The following VTI1A variants were observed in gnomAD, a reference collection of about 807,000 sequenced individuals.
The protein encoded by VTI1A is vesicle transport through interaction with t-SNAREs homolog 1A.
VTI1A carries 22 observed loss-of-function variants against 34.9 expected under a neutral mutation model. That is an observed-to-expected ratio of 0.63 (90% CI 0.45 to 0.90). The LOEUF is 0.90. Among genes scored for constraint, VTI1A ranks in the 40% least tolerant of loss-of-function variants. VTI1A has a pLI of 0.00. For missense variants in VTI1A, 268 were observed against 275.6 expected (o/e 0.97, Z 0.20); for synonymous variants, 87 against 97.3 (o/e 0.89, Z 0.62).
chr10:112,756,150 G>GTTT (rs1223742261), intron 7 of VTI1A, among the ~76,000 whole-genome samples: 2 of 152,176 alleles, frequency 1.3e-5, no homozygotes, highest in African/African-American at 4.8e-5. Flanking sequence ...GTGGAGAAAG[G>GTTT]GGTAAAAGTT....
downstream of VTI1A, among the ~76,000 whole-genome samples, chr10:112,821,316 A>G (rs1265640301): frequency 1.3e-5 from 2 of 151,680 alleles, no homozygotes; most frequent in African/African-American, 4.8e-5. Flanking sequence ...CGCTCAGCAC[A>G]GCCTCCTCTC....
At chr10:112,756,756 T>G (rs560011079) in intron 7 of VTI1A, among the ~76,000 whole-genome samples, 23 of 152,170 alleles carry the variant, frequency 1.5e-4, no homozygotes, top group Admixed American at 9.8e-4. Context: ...TTCTTTAAGA[T>G]GTATCATTTG....
the VTI1A span, among the ~76,000 whole-genome samples, chr10:112,849,738 C>T: frequency 1.7e-4 from 26 of 152,168 alleles, no homozygotes; most frequent in Admixed American, 1.3e-4. Flanking sequence ...GGTTGTGATC[C>T]GCAACTTTTC....
intron 5 of VTI1A, 48 bp from the exon 6 acceptor site, chr10:112,668,170 A>G: frequency 1.3e-6 from 2 of 1,512,532 alleles, no homozygotes; most frequent in African/African-American, 1.4e-5. Context: ...ATTTACTCTC[A>G]TATGCACTCC....
chr10:112,674,183 AT>A (rs1459874980), intron 7 of VTI1A, among the ~76,000 whole-genome samples: 2 of 151,948 alleles, frequency 1.3e-5, no homozygotes, highest in Non-Finnish European at 2.9e-5. Flanking sequence ...TTCTCAGCAC[AT>A]TTTACTTACT....
intron 5 of VTI1A, among the ~76,000 whole-genome samples, chr10:112,638,017 A>C (rs1272245674): frequency 6.6e-6 from 1 of 152,250 alleles, no homozygotes; most frequent in Non-Finnish European, 1.5e-5. Context: ...TGTGAATGAA[A>C]GATGGGATTT....
chr10:112,518,731 A>ATACC (rs1849902008), intron 3 of VTI1A, among the ~76,000 whole-genome samples: 1 of 151,384 alleles, frequency 6.6e-6, no homozygotes, highest in Admixed American at 6.6e-5. Context: ...AAGTGTTGAT[A>ATACC]TACCTACCAT....
At chr10:112,680,772 G>C (rs1307345223) in intron 7 of VTI1A, among the ~76,000 whole-genome samples, 2 of 152,198 alleles carry the variant, frequency 1.3e-5, no homozygotes, top group Non-Finnish European at 2.9e-5. Flanking sequence ...AGACTTCACA[G>C]AGGAGATGAT....
intron 7 of VTI1A, among the ~76,000 whole-genome samples, chr10:112,747,048 G>C (rs1017527102): frequency 6.6e-6 from 1 of 152,186 alleles, no homozygotes; most frequent in Non-Finnish European, 1.5e-5. Context: ...CCAACAAGTG[G>C]TGGAGACCAG....
intron 3 of VTI1A, among the ~76,000 whole-genome samples, chr10:112,500,827 G>A (rs1163486042): frequency 6.6e-6 from 1 of 152,072 alleles, no homozygotes; most frequent in African/African-American, 2.4e-5. Context: ...GTTTAGAGTT[G>A]TGCCTCACAT....
the VTI1A span, among the ~76,000 whole-genome samples, chr10:112,839,914 A>G: frequency 7.0e-6 from 1 of 142,312 alleles, no homozygotes; most frequent in Non-Finnish European, 1.6e-5. Flanking sequence ...CCAACTCCAC[A>G]TACCCAGTAC....
At chr10:112,525,279 C>A (rs1481912732) in intron 3 of VTI1A, among the ~76,000 whole-genome samples, 1 of 152,172 alleles carries the variant, frequency 6.6e-6, no homozygotes, top group Non-Finnish European at 1.5e-5. Context: ...TAGAGACTTA[C>A]TGCAGAAGTC....
chr10:112,607,753 G>A (rs985987399), intron 5 of VTI1A, among the ~76,000 whole-genome samples: 2 of 152,152 alleles, frequency 1.3e-5, no homozygotes, highest in African/African-American at 4.8e-5. Context: ...GTAGTCATCA[G>A]CACACTTGAC....
chr10:112,619,727 T>C (rs1475933026), intron 5 of VTI1A, among the ~76,000 whole-genome samples: 1 of 152,210 alleles, frequency 6.6e-6, no homozygotes, highest in Non-Finnish European at 1.5e-5. Context: ...TTTAATTAAC[T>C]TCCTTCCTTG....
chr10:112,651,915 C>T (rs1480251070), intron 5 of VTI1A, among the ~76,000 whole-genome samples: 1 of 152,162 alleles, frequency 6.6e-6, no homozygotes, highest in African/African-American at 2.4e-5. Flanking sequence ...CAAACTTCCG[C>T]AGAACGTTAG....
intron 7 of VTI1A, among the ~76,000 whole-genome samples, chr10:112,756,146 A>C (rs1480247099): frequency 1.3e-5 from 2 of 152,174 alleles, no homozygotes; most frequent in African/African-American, 4.8e-5. Flanking sequence ...TGGCGTGGAG[A>C]AAGGGGTAAA....
chr10:112,505,900 T>C (rs2134166522), intron 3 of VTI1A, among the ~76,000 whole-genome samples: 1 of 152,280 alleles, frequency 6.6e-6, no homozygotes, highest in South Asian at 2.1e-4. Flanking sequence ...TTTAGTTATA[T>C]AGTAGTCCCC....
intron 5 of VTI1A, among the ~76,000 whole-genome samples, chr10:112,578,521 T>C (rs1176613124): frequency 2.0e-5 from 3 of 152,300 alleles, no homozygotes; most frequent in South Asian, 2.1e-4. Flanking sequence ...ACCTCTGGGA[T>C]TGAAGCTTAG....
At chr10:112,470,041 A>T (rs1393597080) in intron 3 of VTI1A, among the ~76,000 whole-genome samples, 1 of 152,098 alleles carries the variant, frequency 6.6e-6, no homozygotes, top group Non-Finnish European at 1.5e-5. Flanking sequence ...TTCTTTAAGG[A>T]ATTACGCTCC....
Sources: allele counts gnomAD v4.1 joint callset (sites outside exome capture counted in the v4.1 genomes callset), GRCh38; gene constraint gnomAD v4.1.1; transcripts MANE v1.5; gene names NCBI Gene and HGNC (gene_info 2026-07-23, HGNC 2026-07-21).